The following UHMK1 variants were observed in gnomAD, a reference collection of about 807,000 sequenced individuals.
UHMK1 encodes U2AF homology motif kinase 1.
A neutral mutation model predicts 44.0 loss-of-function variants in UHMK1; 18 were observed. The observed-to-expected ratio is 0.41, with a 90% CI of 0.28 to 0.61. The LOEUF is 0.61. Ranked by LOEUF, UHMK1 falls within the 20% of genes least tolerant of loss-of-function variation. UHMK1 has a pLI of 0.31. For synonymous variants in UHMK1, 231 were observed against 198.5 expected, an observed-to-expected ratio of 1.16 and a Z score of -1.38; for missense variants, 463 against 522.5, an observed-to-expected ratio of 0.89 and a Z score of 1.11.
intron 3 of UHMK1, among the ~76,000 whole-genome samples, chr1:162,501,632 A>T (rs12077523): frequency 0.012 from 1,781 of 152,330 alleles, 39 homozygotes; most frequent in African/African-American, 0.04. Flanking sequence ...GCATATAGTA[A>T]GTGCTTGATA....
At position 162,501,114 on chromosome 1, in the gene UHMK1, A is replaced by G; in HGVS notation, c.753+10A>G. On this transcript the variant is annotated intron_variant, in intron 3 of 7. Transcript: ENST00000489294. ...ATCTCAGGAATGGAAGGTAAACTTC[A>G]CCAGTGCTTTGCTTTGGGGTCCTTA... 6.2e-7 allele frequency: 1 copy of G among 1,613,182 alleles called. No individual in the cohort carries two copies.
intron 7 of UHMK1, among the ~76,000 whole-genome samples, chr1:162,518,957 C>A (rs1344406605): frequency 6.6e-6 from 1 of 151,196 alleles, no homozygotes; most frequent in Admixed American, 6.6e-5. Flanking sequence ...CCACTGCACT[C>A]CAGCCTGGGC....
At chr1:162,511,620 G>GT (rs1651673293) in intron 4 of UHMK1, among the ~76,000 whole-genome samples, 2 of 152,090 alleles carry the variant, frequency 1.3e-5, no homozygotes, top group African/African-American at 2.4e-5. Context: ...CCATTTGTCT[G>GT]TTTTTGTTTT....
chr1:162,498,747 G>A (rs747739257), intron 1 of UHMK1, among the ~76,000 whole-genome samples: 2 of 152,162 alleles, frequency 1.3e-5, no homozygotes, highest in Non-Finnish European at 2.9e-5. Flanking sequence ...AGCCTTTATA[G>A]AAGTGTGAAA....
intron 3 of UHMK1, 93 bp from the exon 4 acceptor site, chr1:162,503,661 C>A: frequency 4.8e-6 from 3 of 623,862 alleles, no homozygotes; most frequent in Non-Finnish European, 8.0e-6. Context: ...ATAGTGTTTT[C>A]TGTTGCATTT....
intron 4 of UHMK1, among the ~76,000 whole-genome samples, chr1:162,504,080 C>T (rs1275109872): frequency 2.0e-5 from 3 of 152,104 alleles, no homozygotes; most frequent in Non-Finnish European, 4.4e-5. Flanking sequence ...GTACCTTTGG[C>T]CACTCATAGC....
At position 162,528,261 on chromosome 1, in the gene UHMK1, A is replaced by C. The variant is rs1045792657; in HGVS notation, c.*5711A>C. ...GTAAAGAGGAGAGAGATAAGTAATA[A>C]AAATAGAGGAGGGGAAGAAAATGGC... is the stretch of plus-strand genomic sequence containing the variant. On this transcript the variant is annotated 3_prime_UTR_variant, in exon 8 of 8. Coordinates refer to ENST00000489294, the MANE Select transcript of UHMK1 (RefSeq NM_175866.5). The C allele has an allele frequency of 6.6e-6, 1 of 152,036 alleles. No homozygotes were observed. Among genetic ancestry groups the C allele is most frequent in the Non-Finnish European group, 1.5e-5 (1 of 67,924 alleles). The allele number at this position is 152,036 out of a possible 1,614,324, so 9.4% of individuals were successfully genotyped here.
At chr1:162,513,091 G>A (rs1651724539) in intron 6 of UHMK1, 3 of 362,202 alleles carry the variant, frequency 8.3e-6, no homozygotes, top group Admixed American at 3.8e-5. Context: ...ACAGGCATGT[G>A]CCACCAGACC....
At chr1:162,501,229 G>A in intron 3 of UHMK1, 125 bp downstream of exon 3, 2 of 954,482 alleles carry the variant, frequency 2.1e-6, no homozygotes, top group Non-Finnish European at 3.0e-6. Flanking sequence ...GAGTGCAGTG[G>A]CGCAATCTCA....
At chr1:162,519,127 G>C (rs566576075) in intron 7 of UHMK1, among the ~76,000 whole-genome samples, 2 of 151,458 alleles carry the variant, frequency 1.3e-5, no homozygotes, top group South Asian at 4.2e-4. Context: ...GACCAGCCCG[G>C]CCAACGTGGT....
intron 4 of UHMK1, among the ~76,000 whole-genome samples, chr1:162,510,075 C>T (rs1348463180): frequency 6.6e-6 from 1 of 150,378 alleles, no homozygotes; most frequent in African/African-American, 2.4e-5. Context: ...TAGACTATAA[C>T]AGCATCTCGG....
intron 4 of UHMK1, among the ~76,000 whole-genome samples, chr1:162,510,355 A>G (rs7513662): frequency 0.25 from 38,473 of 152,134 alleles, 6,033 homozygotes; most frequent in Non-Finnish European, 0.34. Flanking sequence ...GCTTTGGCCA[A>G]TGTCTCCCCA....
chr1:162,497,368 G>C (rs1651084844), upstream of UHMK1: 1 of 675,334 alleles, frequency 1.5e-6, no homozygotes. Flanking sequence ...TGGCCTGGGA[G>C]AAAGTCCATT....
intron 3 of UHMK1, among the ~76,000 whole-genome samples, chr1:162,501,356 C>T (rs1651261936): frequency 1.3e-5 from 2 of 151,904 alleles, no homozygotes; most frequent in African/African-American, 4.8e-5. Flanking sequence ...TTTTAGTAGA[C>T]ACGGAGTTTC....
At position 162,497,937 on chromosome 1, in the gene UHMK1, G is replaced by C; in HGVS notation, c.-64G>C. The C allele has an allele frequency of 7.0e-7, 1 of 1,432,374 alleles. No homozygotes were observed. Among genetic ancestry groups the C allele is most frequent in the Non-Finnish European group, 9.1e-7 (1 of 1,095,190 alleles). The allele number at this position is 1,432,374 out of a possible 1,614,324, so 88.7% of individuals were successfully genotyped here. A position where few individuals can be genotyped will look rare whatever the true frequency, so the allele number is the denominator to read the frequency against. On this transcript the variant is annotated 5_prime_UTR_variant, in exon 1 of 8. Coordinates refer to ENST00000489294, the MANE Select transcript of UHMK1 (RefSeq NM_175866.5). ...GTCCGGCTGGCGGAGATGTGACCGC[G>C]GGCCCGGCCGGCCTGCCTCAGGCGT... is the stretch of plus-strand genomic sequence containing the variant.
At chr1:162,511,176 CTTTTTTCTTTTTCTTT>C (rs1341835512) in intron 4 of UHMK1, among the ~76,000 whole-genome samples, 1 of 130,726 alleles carries the variant, frequency 7.6e-6, no homozygotes, top group African/African-American at 2.8e-5. Flanking sequence ...CTCTTTTTTT[CTTTTTTCTTTTTCTTT>C]TTTTTTTTTT....
At chr1:162,502,260 A>G (rs1019340014) in intron 3 of UHMK1, among the ~76,000 whole-genome samples, 3 of 152,220 alleles carry the variant, frequency 2.0e-5, no homozygotes, top group Non-Finnish European at 4.4e-5. Flanking sequence ...ATACTAAGCA[A>G]CAAGTGTTTT....
At position 162,497,981 on chromosome 1, in the gene UHMK1, C is replaced by G. The variant is rs1218256618; in HGVS notation, c.-20C>G. The G allele has an allele frequency of 6.6e-7, 1 of 1,507,752 alleles. No homozygotes were observed. Among genetic ancestry groups the G allele is most frequent in the Non-Finnish European group, 8.9e-7 (1 of 1,128,798 alleles). The allele number at this position is 1,507,752 out of a possible 1,614,324, so 93.4% of individuals were successfully genotyped here. A position where few individuals can be genotyped will look rare whatever the true frequency, so the allele number is the denominator to read the frequency against. On this transcript the variant is annotated 5_prime_UTR_variant, in exon 1 of 8. Coordinates refer to ENST00000489294, the MANE Select transcript of UHMK1 (RefSeq NM_175866.5). ...CAGGCGTCGCGTCAGCTCCCGTGTC[C>G]GTGCCCTTAACCCACACCGATGGCG...
At chr1:162,518,331 A>G in intron 7 of UHMK1, 141 bp downstream of exon 7, 1 of 588,672 alleles carries the variant, frequency 1.7e-6, no homozygotes, top group African/African-American at 1.9e-5. Context: ...TTATATTCTG[A>G]CTTGTACTTT....
Sources: allele counts gnomAD v4.1 joint callset (sites outside exome capture counted in the v4.1 genomes callset), GRCh38; gene constraint gnomAD v4.1.1; transcripts MANE v1.5; gene names NCBI Gene and HGNC (gene_info 2026-07-23, HGNC 2026-07-21).